The following CCDC7 variants were observed in gnomAD, a reference collection of about 807,000 sequenced individuals.
The protein encoded by CCDC7 is coiled-coil domain containing 7.
Under a neutral mutation model 196.9 loss-of-function variants are expected in CCDC7, and 183 were observed. That is an observed-to-expected ratio of 0.93 (90% CI 0.82 to 1.05). CCDC7 has a LOEUF of 1.05. Ranked by LOEUF, CCDC7 falls within the 50% of genes least tolerant of loss-of-function variation. The pLI is 0.00. For synonymous variants in CCDC7, 525 were observed against 484.6 expected, an observed-to-expected ratio of 1.08 and a Z score of -1.10; for missense variants, 1,540 against 1,482.2, an observed-to-expected ratio of 1.04 and a Z score of -0.64.
rs192723666 is a variant in CCDC7 at position 32,543,159 on chromosome 10, C to T, written c.994-141C>T. 1.2e-5 allele frequency: 10 copies of T among 850,732 alleles called. No individual in the cohort carries two copies. The East Asian group carries it at 3.5e-4, about 30-fold the overall frequency. The allele number at this position is 850,732 out of a possible 1,614,324, so 52.7% of individuals were successfully genotyped here. On this transcript the variant is annotated intron_variant, in intron 11 of 41. Transcript: ENST00000639629. ...AGACCAGATGTGTCATTTTATTTTGCTTCTATGCAGATAATTTTTCCTGAA... is the reference window on the plus strand; with the variant it reads ...AGACCAGATGTGTCATTTTATTTTGTTTCTATGCAGATAATTTTTCCTGAA...
chr10:32,839,181 AAGATACAGAATGGCAGAATAGATAAGAAT>A (rs2136055931), intron 33 of CCDC7, among the ~76,000 whole-genome samples: 1 of 152,096 alleles, frequency 6.6e-6, no homozygotes, highest in Non-Finnish European at 1.5e-5. Flanking sequence ...CTGCACTTAA[AAGATACAGAATGGCAGAATAGATAAGAAT>A]AGATACAGAA....
At position 32,679,877 on chromosome 10, in the gene CCDC7, A is replaced by G. The variant is rs532999541; in HGVS notation, c.2123-6093A>G. ...TTTTATCCATTCCATACAAGGGTAA[A>G]CTGATCCTAATCATCTCTATGTAGA... On this transcript the variant is annotated intron_variant, in intron 21 of 41. Transcript: ENST00000639629. Among the ~76,000 whole-genome samples, 9 of 152,276 alleles carry G rather than the reference A, an allele frequency of 5.9e-5. No homozygotes were observed. The South Asian group carries it at 1.7e-3, about 28-fold the overall frequency.
chr10:32,609,700 A>C (rs1194944936), intron 18 of CCDC7, among the ~76,000 whole-genome samples: 1 of 152,146 alleles, frequency 6.6e-6, no homozygotes, highest in African/African-American at 2.4e-5. Flanking sequence ...ATAATGGGGC[A>C]AATTTCCTAT....
intron 23 of CCDC7, among the ~76,000 whole-genome samples, chr10:32,693,570 CA>C: frequency 6.6e-6 from 1 of 151,892 alleles, no homozygotes; most frequent in Non-Finnish European, 1.5e-5. Flanking sequence ...CATTATTTAC[CA>C]TATGTACTAT....
chr10:32,613,096 A>C (rs1411399088), intron 18 of CCDC7, among the ~76,000 whole-genome samples: 1 of 151,976 alleles, frequency 6.6e-6, no homozygotes, highest in Non-Finnish European at 1.5e-5. Context: ...CCTCAATTTC[A>C]GAACTTCTTA....
chr10:32,579,094 A>G (rs539291240), intron 16 of CCDC7, among the ~76,000 whole-genome samples: 1 of 152,322 alleles, frequency 6.6e-6, no homozygotes, highest in African/African-American at 2.4e-5. Context: ...ATCTTGCCAA[A>G]TCCTCAGCTA....
chr10:32,787,619 G>A (rs1001984491), intron 29 of CCDC7, among the ~76,000 whole-genome samples: 3 of 152,152 alleles, frequency 2.0e-5, no homozygotes, highest in African/African-American at 4.8e-5. Context: ...GCCCACTGGG[G>A]TAAAATCCAA....
chr10:32,660,611 C>T (rs1430372088), intron 20 of CCDC7, among the ~76,000 whole-genome samples: 1 of 150,062 alleles, frequency 6.7e-6, no homozygotes, highest in African/African-American at 2.5e-5. Context: ...TTTATAGCAG[C>T]ATGATTTATA....
At chr10:32,817,672 G>A (rs1217961865) in intron 31 of CCDC7, among the ~76,000 whole-genome samples, 1 of 152,186 alleles carries the variant, frequency 6.6e-6, no homozygotes, top group Non-Finnish European at 1.5e-5. Flanking sequence ...AAGAGAGTGG[G>A]GGCCAATATT....
intron 8 of CCDC7, among the ~76,000 whole-genome samples, chr10:32,478,185 T>C (rs1210844160): frequency 6.6e-6 from 1 of 152,232 alleles, no homozygotes; most frequent in African/African-American, 2.4e-5. Context: ...AATTAACTTT[T>C]GTGTCCTGTA....
intron 20 of CCDC7, among the ~76,000 whole-genome samples, chr10:32,636,887 C>T (rs2065756139): frequency 6.6e-6 from 1 of 152,040 alleles, no homozygotes; most frequent in East Asian, 1.9e-4. Flanking sequence ...CTCTCCAGCA[C>T]CTGTTGTTTC....
chr10:32,598,939 ATGT>A (rs1564786340), intron 18 of CCDC7, among the ~76,000 whole-genome samples: 1 of 152,070 alleles, frequency 6.6e-6, no homozygotes, highest in Non-Finnish European at 1.5e-5. Context: ...TTGGGCTATC[ATGT>A]TGTTCAAGTC....
intron 15 of CCDC7, among the ~76,000 whole-genome samples, chr10:32,568,456 G>T (rs1180375609): frequency 6.6e-6 from 1 of 151,828 alleles, no homozygotes; most frequent in Non-Finnish European, 1.5e-5. Context: ...TTCTCTTTTT[G>T]TGTATAATTT....
intron 18 of CCDC7, among the ~76,000 whole-genome samples, chr10:32,595,594 G>T (rs1009405085): frequency 8.5e-5 from 13 of 152,050 alleles, no homozygotes; most frequent in African/African-American, 2.9e-4. Flanking sequence ...GCTTTTGAAT[G>T]TGTTTGCTCT....
intron 18 of CCDC7, among the ~76,000 whole-genome samples, chr10:32,589,881 T>A (rs2059625434): frequency 6.6e-6 from 1 of 152,166 alleles, no homozygotes; most frequent in Non-Finnish European, 1.5e-5. Context: ...CCTGCTGATT[T>A]TTTTGGTTTC....
At chr10:32,870,076 G>A (rs1385688803) in intron 41 of CCDC7, among the ~76,000 whole-genome samples, 36 of 151,958 alleles carry the variant, frequency 2.4e-4, no homozygotes, top group Admixed American at 6.6e-5. Flanking sequence ...TTGGCAATGC[G>A]GGCTCTTTTT....
In CCDC7 at chr10:32,846,334, G is replaced by A. The variant is rs770690054; in HGVS notation, c.3605-42G>A. On this transcript the variant is annotated intron_variant, in intron 36 of 41. Transcript: ENST00000639629. ...CACACGTATACACATGTATGGTAAT[G>A]TTTACCTTATAAAGTATTTTGAAAT... 1.0e-5 allele frequency: 12 copies of A among 1,205,716 alleles called. No individual in the cohort carries two copies. In the South Asian group the frequency reaches 1.6e-4, roughly 16 times the overall value. 74.7% of individuals were successfully genotyped at this position (1,205,716 alleles called of 1,614,324 possible). A position where few individuals can be genotyped will look rare whatever the true frequency, so the allele number is the denominator to read the frequency against.
At chr10:32,675,565 A>G (rs545298341) in intron 21 of CCDC7, 1 of 152,352 alleles carries the variant, frequency 6.6e-6, no homozygotes, top group African/African-American at 2.4e-5. Flanking sequence ...TTACAGTATT[A>G]CATTATTTTC....
intron 18 of CCDC7, among the ~76,000 whole-genome samples, chr10:32,592,616 T>C (rs7100338): frequency 0.34 from 52,338 of 152,040 alleles, 11,437 homozygotes; most frequent in Non-Finnish European, 0.5. Context: ...TTGTTACATA[T>C]GTATACATGT....
Sources: allele counts gnomAD v4.1 joint callset (sites outside exome capture counted in the v4.1 genomes callset), GRCh38; gene constraint gnomAD v4.1.1; transcripts MANE v1.5; gene names NCBI Gene and HGNC (gene_info 2026-07-23, HGNC 2026-07-21).